The following NCAM2 variants were observed in gnomAD, a reference collection of about 807,000 sequenced individuals.
The protein encoded by NCAM2 is N-CAM-2.
Under a neutral mutation model 98.1 loss-of-function variants are expected in NCAM2, and 30 were observed. That is an observed-to-expected ratio of 0.31 (90% CI 0.23 to 0.41). NCAM2 has a LOEUF of 0.41. NCAM2 is among the 10% of genes least tolerant of loss of function. The pLI, the probability that NCAM2 is intolerant of heterozygous loss-of-function variation, is 1.00. For missense variants in NCAM2, 867 were observed against 1,005.8 expected (o/e 0.86, Z 1.87); for synonymous variants, 368 against 342.4 (o/e 1.07, Z -0.83).
chr21:21,465,553 A>G (rs1377909612), intron 12 of NCAM2, among the ~76,000 whole-genome samples: 3 of 35,808 alleles, frequency 8.4e-5, no homozygotes, highest in Non-Finnish European at 1.5e-4. Flanking sequence ...GTAAATTATA[A>G]TATAATCATT....
At chr21:21,299,351 G>C (rs2073622418) in intron 5 of NCAM2, among the ~76,000 whole-genome samples, 1 of 151,128 alleles carries the variant, frequency 6.6e-6, no homozygotes, top group Admixed American at 6.6e-5. Context: ...AAAAGCATAG[G>C]TATTCGGAGA....
chr21:21,464,668 A>T (rs983735839), intron 12 of NCAM2, among the ~76,000 whole-genome samples: 1 of 152,132 alleles, frequency 6.6e-6, no homozygotes, highest in Non-Finnish European at 1.5e-5. Flanking sequence ...GTAAAATTCC[A>T]ATTTACTAGC....
intron 1 of NCAM2, among the ~76,000 whole-genome samples, chr21:21,098,058 A>G (rs999046402): frequency 1.5e-5 from 1 of 64,838 alleles, no homozygotes; most frequent in African/African-American, 3.7e-5. Context: ...TCAGATAGGC[A>G]CATCTGAGAA....
chr21:21,524,658 A>T (rs182972984), intron 16 of NCAM2, among the ~76,000 whole-genome samples: 21 of 152,278 alleles, frequency 1.4e-4, no homozygotes, highest in South Asian at 4.1e-4. Context: ...AATCAAGTTC[A>T]ATCAACTATA....
chr21:21,318,427 T>C (rs978978140), intron 5 of NCAM2, among the ~76,000 whole-genome samples: 1 of 152,208 alleles, frequency 6.6e-6, no homozygotes, highest in Non-Finnish European at 1.5e-5. Context: ...AACTTTTCAC[T>C]TAGATTTTAT....
chr21:21,335,753 C>G (rs1057382918), intron 7 of NCAM2, 88 bp downstream of exon 7: 2 of 1,071,102 alleles, frequency 1.9e-6, no homozygotes, highest in African/African-American at 3.3e-5. Context: ...ACTATTTAAA[C>G]TTTCCATATT....
At chr21:21,401,846 C>T (rs2076637613) in intron 9 of NCAM2, among the ~76,000 whole-genome samples, 1 of 152,146 alleles carries the variant, frequency 6.6e-6, no homozygotes, top group African/African-American at 2.4e-5. Context: ...GTAATTGTTG[C>T]AGGAAGTCAG....
At chr21:21,080,287 C>T (rs2065765287) in intron 1 of NCAM2, among the ~76,000 whole-genome samples, 2 of 152,020 alleles carry the variant, frequency 1.3e-5, no homozygotes, top group Non-Finnish European at 2.9e-5. Context: ...GTCCAAAAAA[C>T]CCCTAAAGAC....
intron 1 of NCAM2, among the ~76,000 whole-genome samples, chr21:21,069,601 A>G (rs1336989502): frequency 6.6e-6 from 1 of 152,126 alleles, no homozygotes; most frequent in Non-Finnish European, 1.5e-5. Context: ...CCCTTCCTTT[A>G]AAAGATGTTT....
At chr21:21,233,024 T>C (rs558699906) in intron 1 of NCAM2, among the ~76,000 whole-genome samples, 9 of 151,814 alleles carry the variant, frequency 5.9e-5, no homozygotes, top group African/African-American at 2.2e-4. Context: ...ACTAATTTTC[T>C]GATTTTGCAC....
At chr21:21,154,371 A>C (rs1231408563) in intron 1 of NCAM2, among the ~76,000 whole-genome samples, 1 of 151,896 alleles carries the variant, frequency 6.6e-6, no homozygotes, top group Non-Finnish European at 1.5e-5. Context: ...ATTTAGGGAA[A>C]TGGAATATGG....
chr21:21,319,040 A>G (rs1036209329), intron 5 of NCAM2, among the ~76,000 whole-genome samples: 5 of 151,934 alleles, frequency 3.3e-5, no homozygotes, highest in Admixed American at 1.3e-4. Context: ...CTTGAGCCCA[A>G]GAGTTGGAGA....
At chr21:21,327,820 T>G (rs2074560301) in intron 6 of NCAM2, among the ~76,000 whole-genome samples, 1 of 152,152 alleles carries the variant, frequency 6.6e-6, no homozygotes, top group Admixed American at 6.5e-5. Flanking sequence ...ATTTAGTTCA[T>G]AACATCAATA....
intron 15 of NCAM2, among the ~76,000 whole-genome samples, chr21:21,485,756 A>T (rs1322928278): frequency 6.6e-6 from 1 of 152,216 alleles, no homozygotes; most frequent in Non-Finnish European, 1.5e-5. Context: ...CATACTTGGT[A>T]AATCAAATGA....
At chr21:21,296,707 T>G (rs1442050593) in intron 5 of NCAM2, among the ~76,000 whole-genome samples, 2 of 151,596 alleles carry the variant, frequency 1.3e-5, no homozygotes, top group Non-Finnish European at 2.9e-5. Flanking sequence ...GGGCCTTTAC[T>G]AAAGGGCAAG....
intron 16 of NCAM2, among the ~76,000 whole-genome samples, chr21:21,513,198 T>C (rs1440301684): frequency 6.6e-6 from 1 of 152,140 alleles, no homozygotes; most frequent in Non-Finnish European, 1.5e-5. Context: ...CCTGGTTCAG[T>C]ATGATACTAG....
chr21:21,372,070 A>G (rs2148043646), intron 8 of NCAM2, among the ~76,000 whole-genome samples: 1 of 151,940 alleles, frequency 6.6e-6, no homozygotes, highest in Admixed American at 6.6e-5. Flanking sequence ...AAATTTGACA[A>G]TAAACGTCTA....
At chr21:21,482,445 T>G (rs1379565803) in intron 15 of NCAM2, among the ~76,000 whole-genome samples, 2 of 152,104 alleles carry the variant, frequency 1.3e-5, no homozygotes, top group African/African-American at 4.8e-5. Context: ...AGAGAAGATA[T>G]AGAGTTTAAA....
At chr21:21,325,310 G>A (rs1168405943) in intron 6 of NCAM2, among the ~76,000 whole-genome samples, 2 of 152,112 alleles carry the variant, frequency 1.3e-5, no homozygotes, top group East Asian at 3.8e-4. Flanking sequence ...TCCCTACTAA[G>A]TATTAGGTTG....
Sources: allele counts gnomAD v4.1 joint callset (sites outside exome capture counted in the v4.1 genomes callset), GRCh38; gene constraint gnomAD v4.1.1; transcripts MANE v1.5; gene names NCBI Gene and HGNC (gene_info 2026-07-23, HGNC 2026-07-21).